Variants in CNTN4 observed in about 807,000 individuals in gnomAD.
CNTN4 encodes the protein contactin-4.
A neutral mutation model predicts 122.5 loss-of-function variants in CNTN4; 77 were observed. The ratio of observed to expected loss-of-function variants is 0.63; its 90% CI spans 0.52 to 0.76. The LOEUF (loss-of-function observed/expected upper bound fraction) is 0.76, where lower values mean the gene tolerates loss of function less well. Ranked by LOEUF, CNTN4 falls within the 30% of genes least tolerant of loss-of-function variation. CNTN4 has a pLI of 0.00. For synonymous variants in CNTN4, 512 were observed against 447.0 expected (o/e 1.15, Z -1.83); for missense variants, 1,256 against 1,259.1 (o/e 1.00, Z 0.04).
At chr3:3,015,432 G>T (rs181965714) in intron 14 of CNTN4, among the ~76,000 whole-genome samples, 182 of 152,218 alleles carry the variant, frequency 1.2e-3, no homozygotes, top group African/African-American at 3.8e-3. Context: ...AATAAAGAGA[G>T]GGTAGCTAAT....
chr3:3,040,034 C>G lies in CNTN4; in HGVS notation c.2164-3C>G, dbSNP rs773532227. 1.4e-5 allele frequency: 22 copies of G among 1,601,128 alleles called. No homozygotes were observed. The highest frequency in any genetic ancestry group is 8.6e-7 in the Non-Finnish European group (1 of 1,168,028). On this transcript the variant is annotated splice_polypyrimidine_tract_variant and splice_region_variant and intron_variant, in intron 19 of 24. Coordinates refer to ENST00000418658, the MANE Select transcript of CNTN4 (RefSeq NM_175607.3). ...TCTGAAGACCACCTTCCTTCTTTCC[C>G]AGACGGTCCCTGAGGAATTACAGAA... is the stretch of plus-strand genomic sequence containing the variant.
intron 3 of CNTN4, among the ~76,000 whole-genome samples, chr3:2,564,484 C>G (rs1277478116): frequency 6.6e-6 from 1 of 152,068 alleles, no homozygotes; most frequent in East Asian, 1.9e-4. Flanking sequence ...AAGACATAGT[C>G]TTTACTTCAT....
At chr3:2,775,282 A>G (rs887391973) in intron 6 of CNTN4, among the ~76,000 whole-genome samples, 1 of 152,024 alleles carries the variant, frequency 6.6e-6, no homozygotes, top group Admixed American at 6.6e-5. Context: ...TTCAAGCCTC[A>G]TCTCTTCTCC....
At chr3:2,646,760 G>T (rs984417977) in intron 4 of CNTN4, among the ~76,000 whole-genome samples, 1 of 152,102 alleles carries the variant, frequency 6.6e-6, no homozygotes, top group African/African-American at 2.4e-5. Flanking sequence ...CTCTCTCCCT[G>T]GTTTTCAGAT....
At chr3:2,805,776 A>G (rs1191679745) in intron 6 of CNTN4, among the ~76,000 whole-genome samples, 2 of 152,196 alleles carry the variant, frequency 1.3e-5, no homozygotes, top group Admixed American at 1.3e-4. Context: ...TGAAAACTCA[A>G]GTCCCTTGAT....
chr3:2,312,452 A>T (rs1348851909), intron 2 of CNTN4, among the ~76,000 whole-genome samples: 1 of 152,138 alleles, frequency 6.6e-6, no homozygotes, highest in Non-Finnish European at 1.5e-5. Flanking sequence ...TCACTAAGCA[A>T]ATCTTGCTGG....
rs1363485177 is a variant in CNTN4 at position 2,385,812 on chromosome 3, T to C, written c.-89+46579T>C. ...TGGTTACATTTGCAAAGACCCTGCT[T>C]CCAAATAAGGTCACATTCACACGTA... On this transcript the variant is annotated intron_variant, in intron 3 of 24. Coordinates refer to ENST00000418658, the MANE Select transcript of CNTN4 (RefSeq NM_175607.3). This position sits in a 1 kb window ranked among gnomAD's most constrained non-coding sequence, Gnocchi z 4.0. 6.6e-6 allele frequency among the ~76,000 whole-genome samples: 1 copy of C among 152,046 alleles called. No individual in the cohort carries two copies. Among genetic ancestry groups the C allele is most frequent in the Non-Finnish European group, 1.5e-5 (1 of 68,014 alleles).
chr3:2,395,624 A>G (rs1344374050), intron 3 of CNTN4, among the ~76,000 whole-genome samples: 1 of 152,044 alleles, frequency 6.6e-6, no homozygotes, highest in African/African-American at 2.4e-5. Flanking sequence ...TAGTAGTTCC[A>G]GTGTCCATTG....
chr3:2,732,770 T>C (rs2088792263), intron 4 of CNTN4, among the ~76,000 whole-genome samples: 1 of 152,184 alleles, frequency 6.6e-6, no homozygotes, highest in Admixed American at 6.5e-5. Flanking sequence ...GTTTAAAAGC[T>C]AGGATATCTG....
At chr3:3,032,440 C>T (rs1378558055) in intron 16 of CNTN4, among the ~76,000 whole-genome samples, 2 of 152,196 alleles carry the variant, frequency 1.3e-5, no homozygotes, top group African/African-American at 2.4e-5. Context: ...TTTGCAAACG[C>T]AGTCTAAAAG....
intron 2 of CNTN4, among the ~76,000 whole-genome samples, chr3:2,324,427 T>C (rs2043380844): frequency 6.6e-6 from 1 of 152,198 alleles, no homozygotes; most frequent in Admixed American, 6.5e-5. Context: ...GTCAGAGTTA[T>C]ACCTTTATCC....
intron 13 of CNTN4, among the ~76,000 whole-genome samples, chr3:2,932,909 G>A (rs1187201409): frequency 1.3e-5 from 2 of 152,008 alleles, no homozygotes; most frequent in South Asian, 2.1e-4. Flanking sequence ...TGCGAGCTCC[G>A]CCTCCCGGGT....
intron 3 of CNTN4, among the ~76,000 whole-genome samples, chr3:2,364,990 A>G (rs761352156): frequency 3.9e-5 from 6 of 152,214 alleles, no homozygotes; most frequent in Non-Finnish European, 8.8e-5. Flanking sequence ...GTTGGGGATA[A>G]GGAAGTTACA....
At chr3:2,259,415 C>A (rs1435965119) in intron 2 of CNTN4, among the ~76,000 whole-genome samples, 2 of 152,098 alleles carry the variant, frequency 1.3e-5, no homozygotes, top group Non-Finnish European at 1.5e-5. Flanking sequence ...ATGTTAAGTG[C>A]CAAAGGCAAC....
intron 3 of CNTN4, among the ~76,000 whole-genome samples, chr3:2,566,158 A>G (rs1004459057): frequency 6.6e-6 from 1 of 152,176 alleles, no homozygotes; most frequent in African/African-American, 2.4e-5. Flanking sequence ...GACAACATGA[A>G]AAGCCAAGTT....
intron 11 of CNTN4, 151 bp from the exon 12 acceptor site, chr3:2,902,725 G>T: frequency 1.3e-6 from 1 of 751,212 alleles, no homozygotes. Context: ...TACAAATTTA[G>T]CTGACAGATA....
At chr3:2,880,883 T>A (rs185115458) in intron 8 of CNTN4, among the ~76,000 whole-genome samples, 190 of 152,254 alleles carry the variant, frequency 1.2e-3, no homozygotes, top group African/African-American at 3.3e-3. Flanking sequence ...TTTTAACCTA[T>A]GGAGGGATAA....
chr3:2,411,478 G>A (rs972471233), intron 3 of CNTN4, among the ~76,000 whole-genome samples: 3 of 152,152 alleles, frequency 2.0e-5, no homozygotes, highest in African/African-American at 7.2e-5. Context: ...TGGCAAAAAA[G>A]TAGACTATTG....
intron 3 of CNTN4, among the ~76,000 whole-genome samples, chr3:2,357,253 G>C (rs6789782): frequency 1.5e-3 from 226 of 152,296 alleles, no homozygotes; most frequent in Middle Eastern, 3.4e-3. Context: ...TTTCAGAATA[G>C]AAATTAATAG....
Sources: gnomAD v4.1 joint callset for allele counts (sites outside exome capture counted in the v4.1 genomes callset) on GRCh38, gnomAD v4.1.1 for gene constraint, Gnocchi (gnomAD v3.1) non-coding constraint, MANE v1.5 for transcripts, NCBI Gene and HGNC (gene_info 2026-07-23, HGNC 2026-07-21) for gene names.